VOPP1: variants seen among roughly 807,000 people sequenced by gnomAD.
VOPP1 encodes VOPP1 WW domain binding protein, also known as WW domain binding protein VOPP1.
A neutral mutation model predicts 23.5 loss-of-function variants in VOPP1; 8 were observed. The observed-to-expected ratio is 0.34, with a 90% CI of 0.20 to 0.61. The LOEUF is 0.61. Ranked by LOEUF, VOPP1 falls within the 20% of genes least tolerant of loss-of-function variation. The pLI, the probability that VOPP1 is intolerant of heterozygous loss-of-function variation, is 0.78. For synonymous variants in VOPP1, 83 were observed against 97.3 expected, an observed-to-expected ratio of 0.85 and a Z score of 0.86; for missense variants, 174 against 238.1, an observed-to-expected ratio of 0.73 and a Z score of 1.77.
intron 4 of VOPP1, among the ~76,000 whole-genome samples, chr7:55,448,853 C>A (rs1245125400): frequency 6.6e-6 from 1 of 152,176 alleles, no homozygotes; most frequent in Non-Finnish European, 1.5e-5. Context: ...CAGGACATGC[C>A]CACCCTCTTC....
chr7:55,525,569 T>C (rs1796133012), intron 1 of VOPP1, among the ~76,000 whole-genome samples: 1 of 151,478 alleles, frequency 6.6e-6, no homozygotes, highest in Non-Finnish European at 1.5e-5. Flanking sequence ...CTGGCCAAAC[T>C]AGGGCATCGT....
rs1235705675 is a variant in VOPP1 at position 55,472,172 on chromosome 7, C to T, written c.*683G>A. ...TTTCCCATGAATTTAAATAAATTTG[C>T]TTAGTGGATGTCAGATCACTGTCAG... On this transcript the variant is annotated 3_prime_UTR_variant, in exon 5 of 5. Transcript: ENST00000285279. 10 of 151,256 alleles carry T rather than the reference C, an allele frequency of 6.6e-5. No individual in the cohort carries two copies. Among genetic ancestry groups the T allele is most frequent in the Non-Finnish European group, 1.5e-4 (10 of 67,866 alleles). 9.4% of individuals were successfully genotyped at this position (151,256 alleles called of 1,614,324 possible).
rs148822465 is a variant in VOPP1, at chr7:55,557,314, G to A, written c.54+14957C>T. On this transcript the variant is annotated intron_variant, in intron 1 of 4. Transcript: ENST00000285279. ...AGCCTGGGGCAGGGGTGGGAAGGCTGCACAGATGAAACACCATGTGCTTAC... is the reference window on the plus strand; with the variant it reads ...AGCCTGGGGCAGGGGTGGGAAGGCTACACAGATGAAACACCATGTGCTTAC... 9.0e-3 allele frequency among the ~76,000 whole-genome samples: 1,364 copies of A among 152,224 alleles called. 19 individuals carry two copies. Among genetic ancestry groups the A allele is most frequent in the South Asian group, 0.025 (121 of 4,810 alleles).
At chr7:55,521,569 A>G (rs995759374) in intron 1 of VOPP1, 5 of 989,704 alleles carry the variant, frequency 5.1e-6, no homozygotes, top group Middle Eastern at 1.0e-3. Context: ...CTAAAGCCGC[A>G]TTCCGACCTA....
intron 4 of VOPP1, among the ~76,000 whole-genome samples, chr7:55,445,202 TACACACACACACAG>T (rs771942315): frequency 0.022 from 3,205 of 144,022 alleles, 110 homozygotes; most frequent in African/African-American, 0.071. Context: ...TCACTTTCTC[TACACACACACACAG>T]ACACACACAC....
chr7:55,524,334 A>G (rs1796041986), intron 1 of VOPP1, among the ~76,000 whole-genome samples: 1 of 152,250 alleles, frequency 6.6e-6, no homozygotes, highest in Non-Finnish European at 1.5e-5. Flanking sequence ...TTAAGGCTAC[A>G]TTTCTTGAAA....
chr7:55,513,651 A>G (rs1367989990), intron 2 of VOPP1, among the ~76,000 whole-genome samples: 1 of 152,196 alleles, frequency 6.6e-6, no homozygotes, highest in Non-Finnish European at 1.5e-5. Flanking sequence ...AGGGAGACTT[A>G]GCATCTCCTG....
chr7:55,467,862 C>A (rs1791671285), downstream of VOPP1, among the ~76,000 whole-genome samples: 1 of 152,228 alleles, frequency 6.6e-6, no homozygotes, highest in Non-Finnish European at 1.5e-5. Flanking sequence ...TAATACACCC[C>A]TTCTATCAGG....
rs1215755419 is a variant in VOPP1 at position 55,445,230 on chromosome 7, GAC to G, written n.418-9058_418-9057del. Reference sequence around the variant, plus strand: ...ACACACACACAGACACACACACACAGACACACACACACAGACACACACACACA... The same window carrying G: ...ACACACACACAGACACACACACACAGACACACACACAGACACACACACACA... On this transcript the variant is annotated intron_variant and non_coding_transcript_variant, in intron 4 of 4. Coordinates refer to the VOPP1 transcript ENST00000462326. Among the ~76,000 whole-genome samples the G allele has an allele frequency of 4.1e-4, 55 of 133,046 alleles. No individual in the cohort carries two copies. The East Asian group carries it at 6.2e-3, about 15-fold the overall frequency. The allele number at this position is 133,046 out of a possible 152,430, so 87.3% of individuals were successfully genotyped here. A position where few individuals can be genotyped will look rare whatever the true frequency, so the allele number is the denominator to read the frequency against.
intron 4 of VOPP1, among the ~76,000 whole-genome samples, chr7:55,480,975 G>A (rs1335229792): frequency 6.6e-6 from 1 of 152,176 alleles, no homozygotes; most frequent in Non-Finnish European, 1.5e-5. Context: ...AATAAAGCAG[G>A]AAAATTGAAA....
chr7:55,559,466 C>G (rs1797913593), intron 1 of VOPP1, among the ~76,000 whole-genome samples: 2 of 152,198 alleles, frequency 1.3e-5, no homozygotes, highest in Non-Finnish European at 2.9e-5. Context: ...CTCAGCTGAC[C>G]AGGGCCCAGA....
chr7:55,530,094 C>T (rs544114666), intron 1 of VOPP1, among the ~76,000 whole-genome samples: 9 of 152,210 alleles, frequency 5.9e-5, no homozygotes, highest in African/African-American at 2.2e-4. Context: ...TGGGTACGTA[C>T]ATTCCACTCC....
intron 4 of VOPP1, among the ~76,000 whole-genome samples, chr7:55,490,951 C>T (rs969568394): frequency 6.6e-6 from 1 of 152,190 alleles, no homozygotes; most frequent in African/African-American, 2.4e-5. Flanking sequence ...ATGCAAATGA[C>T]TTTGCATCTT....
intron 1 of VOPP1, among the ~76,000 whole-genome samples, chr7:55,561,565 T>G (rs924561614): frequency 6.6e-6 from 1 of 151,092 alleles, no homozygotes; most frequent in East Asian, 1.9e-4. Flanking sequence ...AAAAATTAAG[T>G]GGGCGTGCTG....
intron 2 of VOPP1, among the ~76,000 whole-genome samples, chr7:55,512,192 G>A (rs140189645): frequency 0.011 from 1,694 of 152,284 alleles, 12 homozygotes; most frequent in Middle Eastern, 0.02. Context: ...TTGGGAGGCC[G>A]AGGCAGGCGG....
chr7:55,457,280 G>A (rs537226274), intron 4 of VOPP1, among the ~76,000 whole-genome samples: 1 of 152,154 alleles, frequency 6.6e-6, no homozygotes, highest in Admixed American at 6.5e-5. Flanking sequence ...TTTTAATGTT[G>A]CTGCAAATGA....
At position 55,572,080 on chromosome 7, in the gene VOPP1, G is replaced by C. The variant is rs1262119769; in HGVS notation, c.54+191C>G. 3.9e-5 allele frequency among the ~76,000 whole-genome samples: 6 copies of C among 152,208 alleles called. No homozygotes were observed. The South Asian group carries it at 1.0e-3, about 26-fold the overall frequency. The stretch of plus-strand genomic sequence containing the variant: ...AAGGAACGACGGAAGGCGCGGACCG[G>C]GGCGGGAGCCTCCCCGTCACCAGGG... On this transcript the variant is annotated intron_variant, in intron 1 of 4. Transcript: ENST00000285279.
intron 4 of VOPP1, among the ~76,000 whole-genome samples, chr7:55,487,643 A>G (rs1300647392): frequency 6.6e-6 from 1 of 152,234 alleles, no homozygotes; most frequent in Non-Finnish European, 1.5e-5. Flanking sequence ...CCATTTCACA[A>G]AAAACACTAT....
intron 1 of VOPP1, among the ~76,000 whole-genome samples, chr7:55,533,006 G>A (rs1033694813): frequency 6.6e-6 from 1 of 152,168 alleles, no homozygotes; most frequent in Non-Finnish European, 1.5e-5. Context: ...TCCACGTGCT[G>A]CCCCAAAGCA....
Sources: allele counts gnomAD v4.1 joint callset (sites outside exome capture counted in the v4.1 genomes callset), GRCh38; gene constraint gnomAD v4.1.1; transcripts MANE v1.5; gene names NCBI Gene and HGNC (gene_info 2026-07-23, HGNC 2026-07-21).